The following IRF2 variants were observed in gnomAD, a reference collection of about 807,000 sequenced individuals.
IRF2 encodes interferon regulatory factor 2.
In IRF2, 15 loss-of-function variants were observed where a neutral mutation model predicts 40.6. The observed-to-expected ratio is 0.37, with a 90% CI of 0.25 to 0.57. The LOEUF (loss-of-function observed/expected upper bound fraction) is 0.57. Among genes scored for constraint, IRF2 ranks in the 20% least tolerant of loss-of-function variants. The probability of loss-of-function intolerance (pLI) is 0.77; values close to 1 mark genes in which losing one functional copy is unlikely to be tolerated. For synonymous variants in IRF2, 151 were observed against 165.5 expected (o/e 0.91, Z 0.67); for missense variants, 317 against 455.7 (o/e 0.70, Z 2.77).
At chr4:184,390,229 G>A (rs543276485) in intron 8 of IRF2, among the ~76,000 whole-genome samples, 1 of 152,290 alleles carries the variant, frequency 6.6e-6, no homozygotes, top group African/African-American at 2.4e-5. Flanking sequence ...GAGGGGACGG[G>A]ACCCACTCGG....
intron 1 of IRF2, among the ~76,000 whole-genome samples, chr4:184,463,502 A>C (rs542464417): frequency 6.6e-6 from 1 of 152,338 alleles, no homozygotes; most frequent in Non-Finnish European, 1.5e-5. Context: ...TTAACGACAT[A>C]CTGAAATATT....
intron 1 of IRF2, among the ~76,000 whole-genome samples, chr4:184,465,957 A>T (rs1739301963): frequency 6.6e-6 from 1 of 152,076 alleles, no homozygotes; most frequent in Non-Finnish European, 1.5e-5. Flanking sequence ...TAGAATCCTG[A>T]CTACAGTCAC....
intron 1 of IRF2, among the ~76,000 whole-genome samples, chr4:184,465,850 G>A (rs1739299087): frequency 1.3e-5 from 2 of 152,154 alleles, no homozygotes; most frequent in African/African-American, 4.8e-5. Flanking sequence ...CACGTAAGTA[G>A]GTTCCAAGAA....
At chr4:184,429,100 T>C (rs1561106322) in intron 1 of IRF2, 30 bp from the exon 2 acceptor site, 2 of 1,564,932 alleles carry the variant, frequency 1.3e-6, no homozygotes, top group East Asian at 2.2e-5. Context: ...GCGTCAGGCG[T>C]TGGTGCCACT....
chr4:184,421,770 G>C (rs996264709), intron 2 of IRF2, among the ~76,000 whole-genome samples: 1 of 152,016 alleles, frequency 6.6e-6, no homozygotes, highest in Non-Finnish European at 1.5e-5. Flanking sequence ...CACAGAAACC[G>C]CAAAAGCCAT....
chr4:184,449,852 T>C (rs535815742), intron 1 of IRF2, among the ~76,000 whole-genome samples: 1 of 152,340 alleles, frequency 6.6e-6, no homozygotes, highest in South Asian at 2.1e-4. Context: ...ATGTGGTTAG[T>C]ATGGTGACCA....
chr4:184,414,410 C>T (rs1390446351), intron 5 of IRF2, among the ~76,000 whole-genome samples: 2 of 152,222 alleles, frequency 1.3e-5, no homozygotes, highest in African/African-American at 4.8e-5. Context: ...GGTGCAATCA[C>T]GGCTCACTGC....
Position 184,413,207 on chromosome 4 carries a change from C to G in IRF2, c.412-4932G>C, listed in dbSNP as rs754657093. 6.6e-6 allele frequency among the ~76,000 whole-genome samples: 1 copy of G among 152,222 alleles called. No homozygotes were observed. The highest frequency in any genetic ancestry group is 1.5e-5 in the Non-Finnish European group (1 of 68,040). The stretch of plus-strand genomic sequence containing the variant: ...TCTCCTGCCTCCCACTCCTTCCCAT[C>G]CCGGTGAGAAAGGCCTCCCTTACAT... On this transcript the variant is annotated intron_variant, in intron 5 of 8. Transcript: ENST00000393593. This position sits in a 1 kb window ranked among gnomAD's most constrained non-coding sequence, Gnocchi z 4.2.
At chr4:184,442,132 C>T (rs1266316477) in intron 1 of IRF2, among the ~76,000 whole-genome samples, 2 of 152,130 alleles carry the variant, frequency 1.3e-5, no homozygotes, top group Non-Finnish European at 2.9e-5. Flanking sequence ...AGCAGTTTCC[C>T]AGCCTCCTTT....
At position 184,388,888 on chromosome 4, in the gene IRF2, G is replaced by T; in HGVS notation, c.920C>A (p.Pro307His). The change falls in exon 9 of 9, where the codon CCT becomes CAT. Residue 307 changes from proline to histidine, a missense_variant. Coordinates refer to ENST00000393593, the MANE Select transcript of IRF2 (RefSeq NM_002199.4). This position sits in a 1 kb window ranked among gnomAD's most constrained non-coding sequence, Gnocchi z 4.6. ...GGAAGAAAGGGGGAGGTCTTGAAAA[G>T]GGGGCCAGGAGCTGTTGTAAGGCAC... ...NPVPYNSSWP[P>H]FQDLPLSSSM... The T allele has an allele frequency of 6.2e-7, 1 of 1,614,096 alleles. No homozygotes were observed. The highest frequency in any genetic ancestry group is 8.5e-7 in the Non-Finnish European group (1 of 1,180,016).
intron 5 of IRF2, among the ~76,000 whole-genome samples, chr4:184,417,921 C>T (rs934075535): frequency 6.6e-6 from 1 of 152,198 alleles, no homozygotes; most frequent in South Asian, 2.1e-4. Flanking sequence ...CTCAGCCTGC[C>T]GAGCACAGTG....
chr4:184,410,372 C>T (rs940874595), intron 5 of IRF2, among the ~76,000 whole-genome samples: 2 of 152,224 alleles, frequency 1.3e-5, no homozygotes, highest in Non-Finnish European at 2.9e-5. Context: ...CAAAACTGTG[C>T]TCTCCCAAAT....
At chr4:184,411,778 C>A (rs889841554) in intron 5 of IRF2, among the ~76,000 whole-genome samples, 2 of 151,970 alleles carry the variant, frequency 1.3e-5, no homozygotes, top group African/African-American at 2.4e-5. Flanking sequence ...AGAGATCCTG[C>A]AGGCCCTGAA....
At chr4:184,459,863 G>A (rs1739072275) in intron 1 of IRF2, among the ~76,000 whole-genome samples, 1 of 152,236 alleles carries the variant, frequency 6.6e-6, no homozygotes, top group Non-Finnish European at 1.5e-5. Flanking sequence ...AATAACAAAT[G>A]TTGGTAAAAG....
At chr4:184,441,241 C>T (rs1738292694) in intron 1 of IRF2, among the ~76,000 whole-genome samples, 1 of 152,164 alleles carries the variant, frequency 6.6e-6, no homozygotes, top group Non-Finnish European at 1.5e-5. Flanking sequence ...TGAATGTAGA[C>T]CAGCACTATC....
At chr4:184,399,148 A>G in intron 6 of IRF2, 69 bp from the exon 7 acceptor site, 1 of 1,490,072 alleles carries the variant, frequency 6.7e-7, no homozygotes, top group Non-Finnish European at 9.0e-7. Flanking sequence ...TTCTCAAGAA[A>G]GAGTCTTCCC....
At chr4:184,467,889 C>G (rs913867850) in intron 1 of IRF2, among the ~76,000 whole-genome samples, 1 of 152,162 alleles carries the variant, frequency 6.6e-6, no homozygotes, top group Admixed American at 6.5e-5. Flanking sequence ...TTAATGAAAA[C>G]AGGACAGGCT....
At chr4:184,411,421 T>C (rs1017713681) in intron 5 of IRF2, among the ~76,000 whole-genome samples, 1 of 152,144 alleles carries the variant, frequency 6.6e-6, no homozygotes, top group Non-Finnish European at 1.5e-5. Context: ...GCATCATATA[T>C]TCCACCGATG....
intron 5 of IRF2, among the ~76,000 whole-genome samples, chr4:184,410,863 TGACTCAGA>T (rs753562501): frequency 6.6e-5 from 10 of 152,240 alleles, no homozygotes; most frequent in Non-Finnish European, 1.3e-4. Context: ...GAGAAAACGA[TGACTCAGA>T]GACTAAATTA....
Sources: allele counts gnomAD v4.1 joint callset (sites outside exome capture counted in the v4.1 genomes callset), GRCh38; gene constraint gnomAD v4.1.1; non-coding constraint Gnocchi (gnomAD v3.1); transcripts MANE v1.5; gene names NCBI Gene and HGNC (gene_info 2026-07-23, HGNC 2026-07-21).